Variants in SCN8A observed in about 807,000 individuals in gnomAD.
SCN8A encodes sodium channel protein type 8 subunit alpha.
A neutral mutation model predicts 184.1 loss-of-function variants in SCN8A; 30 were observed. The ratio of observed to expected loss-of-function variants is 0.16; its 90% CI spans 0.12 to 0.22. The LOEUF is 0.22. Among genes scored for constraint, SCN8A ranks in the 10% least tolerant of loss-of-function variants. The pLI is 1.00. For synonymous variants in SCN8A, 852 were observed against 907.0 expected, an observed-to-expected ratio of 0.94 and a Z score of 1.09; for missense variants, 1,057 against 2,498.9, an observed-to-expected ratio of 0.42 and a Z score of 12.30.
chr12:51,683,420 AT>A (rs1433766210), intron 2 of SCN8A, among the ~76,000 whole-genome samples: 1 of 152,192 alleles, frequency 6.6e-6, no homozygotes, highest in Non-Finnish European at 1.5e-5. Flanking sequence ...TGATTTAATT[AT>A]TTTGGCAAGG....
At position 51,696,660 on chromosome 12, in the gene SCN8A, G is replaced by C. The variant is rs141893063; in HGVS notation, c.707-2910G>C. ...AGCTTCTCCACTACTGCCCACTGCT[G>C]TGTAGTGGTGTGTTTATCCATGTTC... On this transcript the variant is annotated intron_variant, in intron 6 of 26. Transcript: ENST00000627620. 6.8e-4 allele frequency among the ~76,000 whole-genome samples: 104 copies of C among 152,300 alleles called. 3 individuals carry two copies. The East Asian group carries it at 0.018, about 27-fold the overall frequency.
chr12:51,769,222 A>G lies in SCN8A; in HGVS notation c.3259A>G (p.Ile1087Val), dbSNP rs763424705. The change falls in exon 17 of 27, where the codon ATC becomes GTC. Residue 1087 changes from isoleucine (I) to valine (V), a missense_variant. By Grantham distance (29) the Ile-to-Val change is conservative. Coordinates refer to ENST00000627620, the MANE Select transcript of SCN8A (RefSeq NM_001330260.2). ...YIIDEDHMSF[I>V]NNPNLTVRVP... ...CATTGATGAGGACCACATGTCCTTC[A>G]TCAACAACCCCAACTTGACTGTACG... 3.7e-6 allele frequency: 6 copies of G among 1,613,936 alleles called. No homozygotes were observed. The South Asian group carries it at 5.5e-5, about 15-fold the overall frequency.
intron 2 of SCN8A, among the ~76,000 whole-genome samples, chr12:51,677,813 T>G (rs934968753): frequency 2.0e-5 from 3 of 152,220 alleles, no homozygotes; most frequent in African/African-American, 7.2e-5. Context: ...ACACATTCAG[T>G]GGCTGTTGTT....
rs566538071 is a variant in SCN8A at position 51,728,072 on chromosome 12, T to C, written c.1998+6164T>C. Among the ~76,000 whole-genome samples, 4 of 152,306 alleles carry C rather than the reference T, an allele frequency of 2.6e-5. No homozygotes were observed. In the South Asian group the frequency reaches 8.3e-4, roughly 32 times the overall value. The stretch of plus-strand genomic sequence containing the variant: ...TACCCTAAGTTTAACAGATTAGATT[T>C]TCCTGGTAGTACAGATATATTGTTC... On this transcript the variant is annotated intron_variant, in intron 12 of 26. Transcript: ENST00000627620.
At chr12:51,740,149 A>G in intron 12 of SCN8A, among the ~76,000 whole-genome samples, 1 of 152,194 alleles carries the variant, frequency 6.6e-6, no homozygotes, top group East Asian at 1.9e-4. Context: ...ATTCCCGTAA[A>G]CCCACAACCT....
chr12:51,745,523 A>G (rs1942495862), intron 12 of SCN8A, among the ~76,000 whole-genome samples: 1 of 152,190 alleles, frequency 6.6e-6, no homozygotes, highest in African/African-American at 2.4e-5. Flanking sequence ...CGTCATGTGG[A>G]CCAATTCTAG....
intron 1 of SCN8A, among the ~76,000 whole-genome samples, chr12:51,622,256 A>G (rs1331270885): frequency 6.6e-6 from 1 of 152,238 alleles, no homozygotes; most frequent in Admixed American, 6.5e-5. Context: ...TAATGTTAAT[A>G]TATCACCATG....
intron 1 of SCN8A, among the ~76,000 whole-genome samples, chr12:51,640,794 G>C (rs1299407193): frequency 6.6e-6 from 1 of 152,182 alleles, no homozygotes; most frequent in East Asian, 1.9e-4. Flanking sequence ...TACCATCCTT[G>C]AGGTTGAATG....
At chr12:51,721,251 A>G (rs1024730628) in intron 11 of SCN8A, among the ~76,000 whole-genome samples, 8 of 151,554 alleles carry the variant, frequency 5.3e-5, no homozygotes, top group African/African-American at 1.7e-4. Context: ...ATACACAGCC[A>G]TGTGCTTTAC....
chr12:51,752,161 G>A (rs1371249864), intron 14 of SCN8A, among the ~76,000 whole-genome samples: 2 of 152,162 alleles, frequency 1.3e-5, no homozygotes, highest in Admixed American at 1.3e-4. Context: ...AGATTACAAA[G>A]TGTGTATTCT....
chr12:51,745,774 A>G (rs763237915), intron 12 of SCN8A, 129 bp from the exon 13 acceptor site: 57 of 632,950 alleles, frequency 9.0e-5, no homozygotes, highest in Non-Finnish European at 1.3e-4. Context: ...CTTGAAGTGA[A>G]TAGGACTGTA....
At chr12:51,784,608 G>T (rs977313648) in intron 21 of SCN8A, among the ~76,000 whole-genome samples, 2 of 152,054 alleles carry the variant, frequency 1.3e-5, no homozygotes, top group Admixed American at 1.3e-4. Context: ...AAGTACATTT[G>T]CATCTTATAA....
intron 5 of SCN8A, among the ~76,000 whole-genome samples, chr12:51,688,537 G>A (rs887983280): frequency 3.3e-5 from 5 of 152,236 alleles, no homozygotes; most frequent in African/African-American, 1.2e-4. Context: ...TTACTATGCT[G>A]ATTAAAGGAG....
chr12:51,808,368 T>G lies in SCN8A; in HGVS notation c.*939T>G, dbSNP rs570363246. ...AGATGGATCCGTTGCGTGTATATGT[T>G]TAACAGACATCTCTAACATACAGCC... is the stretch of plus-strand genomic sequence containing the variant. On this transcript the variant is annotated 3_prime_UTR_variant, in exon 27 of 27. Coordinates refer to ENST00000627620, the MANE Select transcript of SCN8A (RefSeq NM_001330260.2). The G allele has an allele frequency of 6.5e-6, 1 of 152,772 alleles. No individual in the cohort carries two copies. The highest frequency in any genetic ancestry group is 2.1e-4 in the South Asian group (1 of 4,830). 9.5% of individuals were successfully genotyped at this position (152,772 alleles called of 1,614,324 possible). A position where few individuals can be genotyped will look rare whatever the true frequency, so the allele number is the denominator to read the frequency against.
At chr12:51,803,861 T>C (rs960633424) in intron 26 of SCN8A, among the ~76,000 whole-genome samples, 5 of 152,206 alleles carry the variant, frequency 3.3e-5, no homozygotes, top group Non-Finnish European at 1.5e-5. Context: ...TCCAAGAGGT[T>C]ACTTGACCCG....
At chr12:51,627,658 G>A (rs1288925729) in intron 1 of SCN8A, among the ~76,000 whole-genome samples, 1 of 152,188 alleles carries the variant, frequency 6.6e-6, no homozygotes, top group African/African-American at 2.4e-5. Context: ...TGGGATTACA[G>A]GCATGAGCCA....
rs560005637 is a variant in SCN8A at position 51,788,539 on chromosome 12, G to A, written c.4228-156G>A. The A allele has an allele frequency of 1.6e-4, 69 of 441,150 alleles. No homozygotes were observed. The South Asian group carries it at 5.1e-3, about 32-fold the overall frequency. The allele number at this position is 441,150 out of a possible 1,614,324, so 27.3% of individuals were successfully genotyped here. On this transcript the variant is annotated intron_variant, in intron 22 of 26. Transcript: ENST00000627620. Reference sequence around the variant, plus strand: ...CAGGAACAAAGCCCTCCTGGGACCTGTAGTAACAAACAGAAAATTCTGTGT... The same window carrying A: ...CAGGAACAAAGCCCTCCTGGGACCTATAGTAACAAACAGAAAATTCTGTGT...
intron 2 of SCN8A, among the ~76,000 whole-genome samples, chr12:51,666,112 T>G (rs1309135290): frequency 2.6e-5 from 4 of 152,106 alleles, no homozygotes; most frequent in Admixed American, 1.3e-4. Flanking sequence ...GAGTCAGTTA[T>G]TTATATACTG....
intron 12 of SCN8A, among the ~76,000 whole-genome samples, chr12:51,727,096 A>T (rs929976523): frequency 9.2e-5 from 14 of 152,258 alleles, no homozygotes; most frequent in African/African-American, 3.1e-4. Flanking sequence ...AGAATCTGCC[A>T]TCTGCAGCTA....
Sources: gnomAD v4.1 joint callset for allele counts (sites outside exome capture counted in the v4.1 genomes callset) on GRCh38, gnomAD v4.1.1 for gene constraint, MANE v1.5 for transcripts, NCBI Gene and HGNC (gene_info 2026-07-23, HGNC 2026-07-21) for gene names.